Variants in DCHS2 observed in about 807,000 individuals in gnomAD.
DCHS2 encodes dachsous cadherin-related 2.
In DCHS2, 142 loss-of-function variants were observed where a neutral mutation model predicts 182.4. The ratio of observed to expected loss-of-function variants is 0.78; its 90% CI spans 0.68 to 0.89. The LOEUF (loss-of-function observed/expected upper bound fraction) is 0.89. DCHS2 is among the 40% of genes least tolerant of loss of function. DCHS2 has a pLI of 0.00. For synonymous variants in DCHS2, 1,740 were observed against 1,663.3 expected, an observed-to-expected ratio of 1.05 and a Z score of -1.12; for missense variants, 4,319 against 4,198.6, an observed-to-expected ratio of 1.03 and a Z score of -0.79.
intron 5 of DCHS2, chr4:154,331,481 G>A (rs1736522347): frequency 3.8e-6 from 5 of 1,311,258 alleles, no homozygotes; most frequent in Non-Finnish European, 5.2e-6. Context: ...CTTGCAGCAG[G>A]AGTCTCAGTT....
chr4:154,268,239 C>CA (rs145547706), intron 14 of DCHS2, among the ~76,000 whole-genome samples: 51,543 of 146,596 alleles, frequency 0.35, 9,228 homozygotes, highest in East Asian at 0.44. Flanking sequence ...TTCCCCCCCC[C>CA]AAAAAAATAA....
rs767892294 is a variant in DCHS2, at chr4:154,242,768, T to A, written c.6946A>T (p.Ile2316Phe). ...ATCCCTTTATCTGTGGCTTGGACAATCAAGCTGGTTTGGAAAAAGAATCAA... is the reference window on the plus strand; with the variant it reads ...ATCCCTTTATCTGTGGCTTGGACAAACAAGCTGGTTTGGAAAAAGAATCAA... Reference protein sequence around the residue: ...DYELTSSYSLIVQATDKGMPR... With the variant: ...DYELTSSYSLFVQATDKGMPR... The change falls in exon 17 of 20, where the codon ATT becomes TTT. Residue 2316 changes from isoleucine to phenylalanine, a missense_variant. By Grantham distance (21) the Ile-to-Phe change is conservative (BLOSUM62 0). Coordinates refer to ENST00000357232, the MANE Select transcript of DCHS2 (RefSeq NM_001358235.2). The A allele has an allele frequency of 6.2e-7, 1 of 1,603,596 alleles. No individual in the cohort carries two copies. Among genetic ancestry groups the A allele is most frequent in the Non-Finnish European group, 8.5e-7 (1 of 1,176,498 alleles).
chr4:154,303,576 TG>T (rs908310317), intron 12 of DCHS2, among the ~76,000 whole-genome samples: 41 of 150,714 alleles, frequency 2.7e-4, no homozygotes, highest in Non-Finnish European at 5.5e-4. Flanking sequence ...GGGGTGAGGC[TG>T]ATGTGTCATT....
chr4:154,364,383 T>A (rs1730256899), intron 3 of DCHS2, among the ~76,000 whole-genome samples: 1 of 152,244 alleles, frequency 6.6e-6, no homozygotes, highest in Non-Finnish European at 1.5e-5. Context: ...TCCTGTGCCC[T>A]GATTACTGGC....
intron 10 of DCHS2, among the ~76,000 whole-genome samples, chr4:154,308,113 C>T (rs1338982151): frequency 6.6e-6 from 1 of 151,986 alleles, no homozygotes; most frequent in African/African-American, 2.4e-5. Context: ...CATATTCAGT[C>T]TGCAGCTAGC....
At chr4:154,354,787 C>T (rs1729781489) in intron 3 of DCHS2, 1 of 152,178 alleles carries the variant, frequency 6.6e-6, no homozygotes, top group African/African-American at 2.4e-5. Flanking sequence ...ATCCAGTAGT[C>T]CATACTCTCT....
chr4:154,490,812 G>A lies in DCHS2; in HGVS notation c.544C>T (p.Pro182Ser), dbSNP rs752000656. 102 of 1,551,458 alleles carry A rather than the reference G, an allele frequency of 6.6e-5. No individual in the cohort carries two copies. In the East Asian group the frequency reaches 8.1e-4, roughly 12 times the overall value. The change falls in exon 1 of 20, where the codon CCA becomes TCA. Residue 182 changes from proline (P) to serine (S), a missense_variant. Pro to Ser is a moderately conservative substitution (Grantham distance 74). Transcript: ENST00000357232. ...ACTGGCAGGCGGAAGGCGGTCCCTG[G>A]CGGGCTGAGCTCGGAGACGTCGAGT... ...LQLDVSELSP[P>S]GTAFRLPVAH...
chr4:154,430,287 A>G (rs1252055447), intron 1 of DCHS2, among the ~76,000 whole-genome samples: 1 of 152,228 alleles, frequency 6.6e-6, no homozygotes, highest in African/African-American at 2.4e-5. Context: ...CATACCCTAC[A>G]GCCATGAAAA....
chr4:154,268,594 A>G (rs570395619), intron 14 of DCHS2, among the ~76,000 whole-genome samples: 12 of 152,194 alleles, frequency 7.9e-5, no homozygotes, highest in Non-Finnish European at 1.5e-4. Flanking sequence ...CAGGTAACTA[A>G]GCCTGGAGAA....
intron 2 of DCHS2, chr4:154,374,053 A>G (rs1276888352): frequency 8.5e-6 from 9 of 1,053,836 alleles, no homozygotes; most frequent in African/African-American, 1.6e-5. Flanking sequence ...CTCTATATCT[A>G]CAATACCAGA....
At chr4:154,345,320 C>A (rs1561057850) in intron 3 of DCHS2, among the ~76,000 whole-genome samples, 2 of 152,220 alleles carry the variant, frequency 1.3e-5, no homozygotes, top group African/African-American at 4.8e-5. Flanking sequence ...ACTTAACCAG[C>A]TGTCTATACT....
intron 16 of DCHS2, among the ~76,000 whole-genome samples, chr4:154,250,280 A>G (rs531871780): frequency 3.9e-5 from 6 of 152,080 alleles, no homozygotes; most frequent in African/African-American, 7.2e-5. Flanking sequence ...CTTTTTCTAG[A>G]TCTTTCTATT....
chr4:154,305,025 C>T (rs1436755943), intron 11 of DCHS2, 72 bp downstream of exon 11: 7 of 1,506,338 alleles, frequency 4.6e-6, no homozygotes, highest in Non-Finnish European at 6.2e-6. Flanking sequence ...TATAACATTT[C>T]ACCACTTAAC....
At position 154,233,776 on chromosome 4, in the gene DCHS2, A is replaced by T. The variant is rs535870353; in HGVS notation, c.*760T>A. ...AGATAATATGTTTCAGGTGGTAGCAAACCACATAAATATTGCGAGTATCAA... is the reference window on the plus strand; with the variant it reads ...AGATAATATGTTTCAGGTGGTAGCATACCACATAAATATTGCGAGTATCAA... On this transcript the variant is annotated 3_prime_UTR_variant, in exon 20 of 20. Coordinates refer to ENST00000357232, the MANE Select transcript of DCHS2 (RefSeq NM_001358235.2). The T allele has an allele frequency of 2.6e-5, 4 of 152,308 alleles. No individual in the cohort carries two copies. In the South Asian group the frequency reaches 8.3e-4, roughly 32 times the overall value. The allele number at this position is 152,308 out of a possible 1,614,324, so 9.4% of individuals were successfully genotyped here. A position where few individuals can be genotyped will look rare whatever the true frequency, so the allele number is the denominator to read the frequency against.
chr4:154,323,696 A>T (rs891901931), intron 7 of DCHS2, among the ~76,000 whole-genome samples: 4 of 152,260 alleles, frequency 2.6e-5, no homozygotes, highest in African/African-American at 9.6e-5. Flanking sequence ...ATTGCAGTCA[A>T]AACACAGTCA....
intron 1 of DCHS2, among the ~76,000 whole-genome samples, chr4:154,380,683 A>T (rs190775685): frequency 6.6e-6 from 1 of 152,276 alleles, no homozygotes; most frequent in Non-Finnish European, 1.5e-5. Flanking sequence ...GGATAAAAGT[A>T]TTGATCTCAA....
chr4:154,373,302 G>T (rs1020816439), intron 2 of DCHS2, among the ~76,000 whole-genome samples: 1 of 152,076 alleles, frequency 6.6e-6, no homozygotes, highest in Admixed American at 6.6e-5. Context: ...ATATTGCAAA[G>T]AATAATTATG....
chr4:154,402,465 G>A (rs1260976475), intron 1 of DCHS2, among the ~76,000 whole-genome samples: 1 of 152,206 alleles, frequency 6.6e-6, no homozygotes, highest in Admixed American at 6.5e-5. Context: ...AATTTGGGAA[G>A]TAGTGACATC....
chr4:154,412,867 T>C (rs907482911), intron 1 of DCHS2, among the ~76,000 whole-genome samples: 4 of 152,242 alleles, frequency 2.6e-5, no homozygotes, highest in Admixed American at 2.6e-4. Flanking sequence ...AACATGGTCT[T>C]GTTCGACACA....
Sources: gnomAD v4.1 joint callset for allele counts (sites outside exome capture counted in the v4.1 genomes callset) on GRCh38, gnomAD v4.1.1 for gene constraint, MANE v1.5 for transcripts, NCBI Gene and HGNC (gene_info 2026-07-23, HGNC 2026-07-21) for gene names.